Variants in SLC9A8 observed in about 807,000 individuals in gnomAD.
SLC9A8 encodes sodium/hydrogen exchanger 8.
A neutral mutation model predicts 66.6 loss-of-function variants in SLC9A8; 48 were observed. That is an observed-to-expected ratio of 0.72 (90% CI 0.57 to 0.92). The LOEUF (loss-of-function observed/expected upper bound fraction) is 0.92, where lower values mean the gene tolerates loss of function less well. Among genes scored for constraint, SLC9A8 ranks in the 40% least tolerant of loss-of-function variants. The pLI is 0.00. For missense variants in SLC9A8, 599 were observed against 747.3 expected (o/e 0.80, Z 2.31); for synonymous variants, 274 against 282.6 (o/e 0.97, Z 0.31).
chr20:49,854,435 T>A (rs1175068786), intron 7 of SLC9A8, among the ~76,000 whole-genome samples: 2 of 151,754 alleles, frequency 1.3e-5, no homozygotes, highest in Non-Finnish European at 2.9e-5. Flanking sequence ...CTTCTTAACA[T>A]GTAGGTTCTT....
chr20:49,813,608 A>G (rs115767242), intron 1 of SLC9A8, among the ~76,000 whole-genome samples: 71 of 152,336 alleles, frequency 4.7e-4, no homozygotes, highest in African/African-American at 1.6e-3. Context: ...GGTCATCGCC[A>G]AGGTCTGATT....
Position 49,864,738 on chromosome 20 carries a change from C to G in SLC9A8, c.853-1C>G, listed in dbSNP as rs751616721. 1 of 1,611,438 alleles carries G rather than the reference C, an allele frequency of 6.2e-7. No homozygotes were observed. The highest frequency in any genetic ancestry group is 1.1e-5 in the South Asian group (1 of 91,022). ...CTCCTTCCTTGACAGTTGTCATTTA[C>G]GTGCTGAAGCATATTGACTTGAGGA... On this transcript the variant is annotated splice_acceptor_variant, in intron 9 of 15. Transcript: ENST00000361573. LOFTEE classifies it high-confidence loss of function.
intron 10 of SLC9A8, among the ~76,000 whole-genome samples, chr20:49,869,231 T>G (rs2089094394): frequency 6.6e-6 from 1 of 152,072 alleles, no homozygotes; most frequent in Non-Finnish European, 1.5e-5. Context: ...TTTCTTTCTT[T>G]CTTTTTGAGG....
Position 49,886,666 on chromosome 20 carries a change from C to T in SLC9A8, c.1492-86C>T, listed in dbSNP as rs1052924150. 3.5e-5 allele frequency: 53 copies of T among 1,494,112 alleles called. No individual in the cohort carries two copies. In the East Asian group the frequency reaches 6.4e-4, roughly 18 times the overall value. The allele number at this position is 1,494,112 out of a possible 1,614,324, so 92.6% of individuals were successfully genotyped here. ...GTGGAGTTAGGGTTGGGGACACTGGCGGCCTGGGTGGTGTGGGGGCTTCCA... is the reference window on the plus strand; with the variant it reads ...GTGGAGTTAGGGTTGGGGACACTGGTGGCCTGGGTGGTGTGGGGGCTTCCA... On this transcript the variant is annotated intron_variant, in intron 14 of 15. Transcript: ENST00000361573. This position sits in a 1 kb window ranked among gnomAD's most constrained non-coding sequence, Gnocchi z 4.8.
chr20:49,830,748 A>G, intron 3 of SLC9A8: 1 of 752,050 alleles, frequency 1.3e-6, no homozygotes, highest in Non-Finnish European at 2.4e-6. Flanking sequence ...GCTGATTGTA[A>G]ACATAGTCCA....
intron 10 of SLC9A8, among the ~76,000 whole-genome samples, chr20:49,869,740 G>A (rs2089134485): frequency 2.0e-5 from 3 of 152,020 alleles, no homozygotes; most frequent in African/African-American, 4.8e-5. Flanking sequence ...GGCTGAGGCA[G>A]GAGAATTGCT....
intron 3 of SLC9A8, among the ~76,000 whole-genome samples, chr20:49,826,789 T>C (rs576269469): frequency 1.4e-4 from 21 of 152,312 alleles, no homozygotes; most frequent in Admixed American, 7.8e-4. Context: ...AAAAGAAAAA[T>C]CTTGTTTATT....
At chr20:49,830,747 A>C in intron 3 of SLC9A8, 1 of 751,308 alleles carries the variant, frequency 1.3e-6, no homozygotes, top group South Asian at 1.5e-5. Flanking sequence ...TGCTGATTGT[A>C]AACATAGTCC....
intron 10 of SLC9A8, among the ~76,000 whole-genome samples, chr20:49,874,302 A>G (rs542768464): frequency 6.6e-6 from 1 of 152,208 alleles, no homozygotes; most frequent in East Asian, 1.9e-4. Flanking sequence ...TGGGCCCTCA[A>G]TAGCCACAGG....
At chr20:49,842,862 A>C (rs2087824152) in intron 4 of SLC9A8, among the ~76,000 whole-genome samples, 1 of 152,224 alleles carries the variant, frequency 6.6e-6, no homozygotes, top group African/African-American at 2.4e-5. Flanking sequence ...CAAAGACTCT[A>C]GAAAAGAATT....
intron 10 of SLC9A8, among the ~76,000 whole-genome samples, chr20:49,865,523 A>C (rs902494342): frequency 1.3e-5 from 2 of 152,148 alleles, no homozygotes; most frequent in Non-Finnish European, 2.9e-5. Context: ...GGAGGCCCAG[A>C]GCCTTTTCCC....
chr20:49,844,981 T>A lies in SLC9A8; in HGVS notation c.349-55T>A, dbSNP rs962206182. The A allele has an allele frequency of 1.9e-5, 25 of 1,284,238 alleles. No homozygotes were observed. The African/African-American group carries it at 3.7e-4, about 19-fold the overall frequency. 79.6% of individuals were successfully genotyped at this position (1,284,238 alleles called of 1,614,324 possible). A position where few individuals can be genotyped will look rare whatever the true frequency, so the allele number is the denominator to read the frequency against. On this transcript the variant is annotated intron_variant, in intron 4 of 15. Transcript: ENST00000361573. ...TATTTTGGCTCTTTATTGATTAATT[T>A]ATTTCTTAATTACACAAATTCCATG...
chr20:49,878,455 T>C (rs1249424805), intron 12 of SLC9A8, among the ~76,000 whole-genome samples: 1 of 152,118 alleles, frequency 6.6e-6, no homozygotes, highest in East Asian at 1.9e-4. Flanking sequence ...GTAAAGAAAA[T>C]ATAGCCACAT....
At chr20:49,881,506 T>A (rs1487010409) in intron 13 of SLC9A8, among the ~76,000 whole-genome samples, 1 of 152,264 alleles carries the variant, frequency 6.6e-6, no homozygotes, top group Non-Finnish European at 1.5e-5. Context: ...TTAATCACTT[T>A]TTAAAGGACG....
chr20:49,832,743 A>C (rs774302565), intron 3 of SLC9A8, among the ~76,000 whole-genome samples: 1 of 151,926 alleles, frequency 6.6e-6, no homozygotes, highest in African/African-American at 2.4e-5. Context: ...CTGTTTGAAC[A>C]CAAAGCCTGT....
chr20:49,812,877 G>C lies in SLC9A8; in HGVS notation c.-46G>C. On this transcript the variant is annotated 5_prime_UTR_variant, in exon 1 of 16. Transcript: ENST00000361573. Reference sequence around the variant, plus strand: ...GAAGCCGGAAGCAAAAGCGGGTCCTGCTAGCCCCGCGGCTCCGAACTCGGT... The same window carrying C: ...GAAGCCGGAAGCAAAAGCGGGTCCTCCTAGCCCCGCGGCTCCGAACTCGGT... The C allele has an allele frequency of 6.7e-7, 1 of 1,496,944 alleles. No homozygotes were observed. Among genetic ancestry groups the C allele is most frequent in the South Asian group, 1.2e-5 (1 of 82,026 alleles). The allele number at this position is 1,496,944 out of a possible 1,614,324, so 92.7% of individuals were successfully genotyped here. A position where few individuals can be genotyped will look rare whatever the true frequency, so the allele number is the denominator to read the frequency against.
intron 8 of SLC9A8, among the ~76,000 whole-genome samples, chr20:49,857,640 C>A (rs1010419759): frequency 6.6e-6 from 1 of 152,186 alleles, no homozygotes; most frequent in Non-Finnish European, 1.5e-5. Flanking sequence ...ATCGCTTGAA[C>A]CTGGGAGACA....
chr20:49,855,420 T>G lies in SLC9A8; in HGVS notation c.570-18T>G, dbSNP rs1382465761. On this transcript the variant is annotated intron_variant, in intron 7 of 15. Coordinates refer to ENST00000361573, the MANE Select transcript of SLC9A8 (RefSeq NM_015266.3). ...TGACACACATTACAGAATCTCCCCTTCCCTCTGTCTCTTACAGTTTTGCGT... is the reference window on the plus strand; with the variant it reads ...TGACACACATTACAGAATCTCCCCTGCCCTCTGTCTCTTACAGTTTTGCGT... 6.2e-7 allele frequency: 1 copy of G among 1,612,908 alleles called. No homozygotes were observed. Among genetic ancestry groups the G allele is most frequent in the South Asian group, 1.1e-5 (1 of 91,016 alleles).
chr20:49,836,457 G>A (rs891644119), intron 3 of SLC9A8, among the ~76,000 whole-genome samples: 4 of 152,052 alleles, frequency 2.6e-5, no homozygotes, highest in Admixed American at 2.6e-4. Context: ...CCTCTCCCAA[G>A]TAGCTGGGAC....
Sources: gnomAD v4.1 joint callset for allele counts (sites outside exome capture counted in the v4.1 genomes callset) on GRCh38, gnomAD v4.1.1 for gene constraint, Gnocchi (gnomAD v3.1) non-coding constraint, MANE v1.5 for transcripts, NCBI Gene and HGNC (gene_info 2026-07-23, HGNC 2026-07-21) for gene names.